The following GALNT17 variants were observed in gnomAD, a reference collection of about 807,000 sequenced individuals.
The protein encoded by GALNT17 is polypeptide N-acetylgalactosaminyltransferase 17.
A neutral mutation model predicts 63.7 loss-of-function variants in GALNT17; 29 were observed. The observed-to-expected ratio is 0.46, with a 90% CI of 0.34 to 0.62. The LOEUF (loss-of-function observed/expected upper bound fraction) is 0.62. Among genes scored for constraint, GALNT17 ranks in the 20% least tolerant of loss-of-function variants. The probability of loss-of-function intolerance (pLI) is 0.01; values close to 1 mark genes in which losing one functional copy is unlikely to be tolerated. For synonymous variants in GALNT17, 305 were observed against 318.3 expected, an observed-to-expected ratio of 0.96 and a Z score of 0.45; for missense variants, 603 against 799.6, an observed-to-expected ratio of 0.75 and a Z score of 2.97.
Position 71,484,317 on chromosome 7 carries a change from G to A in GALNT17, c.962+63212G>A, listed in dbSNP as rs150625372. 2.1e-3 allele frequency among the ~76,000 whole-genome samples: 317 copies of A among 152,116 alleles called. 5 individuals carry two copies. Among genetic ancestry groups the A allele is most frequent in the African/African-American group, 7.3e-3 (302 of 41,524 alleles). Reference sequence around the variant, plus strand: ...AGCCTGGGCAACATGGCGAAACCTCGTCTCTACTAAAAATGCAAAAATTAG... The same window carrying A: ...AGCCTGGGCAACATGGCGAAACCTCATCTCTACTAAAAATGCAAAAATTAG... On this transcript the variant is annotated intron_variant, in intron 5 of 10. Transcript: ENST00000333538.
chr7:71,255,353 C>CACCATGTGTG (rs1790270546), intron 1 of GALNT17, among the ~76,000 whole-genome samples: 1 of 152,174 alleles, frequency 6.6e-6, no homozygotes, highest in Non-Finnish European at 1.5e-5. Context: ...TCTTGTCTGC[C>CACCATGTGTG]ACCATGTGTG....
At chr7:71,695,178 C>G (rs1164172105) in intron 9 of GALNT17, among the ~76,000 whole-genome samples, 1 of 152,168 alleles carries the variant, frequency 6.6e-6, no homozygotes, top group South Asian at 2.1e-4. Flanking sequence ...ATCCTGGTGC[C>G]CCACACCAAG....
intron 1 of GALNT17, among the ~76,000 whole-genome samples, chr7:71,230,914 C>T (rs999670511): frequency 6.6e-6 from 1 of 152,074 alleles, no homozygotes; most frequent in African/African-American, 2.4e-5. Context: ...GTCTTGGGCC[C>T]CACCGCAGAC....
intron 6 of GALNT17, among the ~76,000 whole-genome samples, chr7:71,630,831 A>C (rs1401221673): frequency 6.6e-6 from 1 of 152,242 alleles, no homozygotes; most frequent in Non-Finnish European, 1.5e-5. Flanking sequence ...CCAAGGGAGA[A>C]GTGCCATTTC....
intron 1 of GALNT17, among the ~76,000 whole-genome samples, chr7:71,243,385 T>C (rs1790034764): frequency 6.6e-6 from 1 of 152,166 alleles, no homozygotes; most frequent in African/African-American, 2.4e-5. Flanking sequence ...AGTGCGAAAA[T>C]AGACTAATAC....
intron 1 of GALNT17, among the ~76,000 whole-genome samples, chr7:71,271,993 A>G (rs1790601372): frequency 6.6e-6 from 1 of 152,162 alleles, no homozygotes; most frequent in Non-Finnish European, 1.5e-5. Context: ...TCTTGGGCTC[A>G]AGCAGTCCTC....
intron 5 of GALNT17, among the ~76,000 whole-genome samples, chr7:71,522,888 G>C (rs114454855): frequency 6.6e-6 from 1 of 152,178 alleles, no homozygotes; most frequent in South Asian, 2.1e-4. Context: ...CACAGCAGAA[G>C]CATCCCCTGG....
At chr7:71,665,775 G>T (rs1373436672) in intron 7 of GALNT17, among the ~76,000 whole-genome samples, 179 bp downstream of exon 7, 1 of 152,152 alleles carries the variant, frequency 6.6e-6, no homozygotes, top group African/African-American at 2.4e-5. Context: ...TAACTCCAGG[G>T]CTAGCACAAT....
intron 1 of GALNT17, among the ~76,000 whole-genome samples, chr7:71,273,229 T>C (rs1790624545): frequency 6.6e-6 from 1 of 152,230 alleles, no homozygotes; most frequent in Non-Finnish European, 1.5e-5. Context: ...ATCACTCACC[T>C]CATTTCCCTG....
chr7:71,433,128 A>T (rs1214561164), intron 5 of GALNT17, among the ~76,000 whole-genome samples: 3 of 152,156 alleles, frequency 2.0e-5, no homozygotes, highest in Non-Finnish European at 4.4e-5. Context: ...TTAAAAATAT[A>T]AAGTAAAAAT....
chr7:71,186,036 A>G (rs1788844846), intron 1 of GALNT17, among the ~76,000 whole-genome samples: 1 of 152,212 alleles, frequency 6.6e-6, no homozygotes, highest in Admixed American at 6.5e-5. Context: ...AGATGCATTA[A>G]ATCTTGGTGG....
intron 5 of GALNT17, among the ~76,000 whole-genome samples, chr7:71,481,932 C>T (rs1398701556): frequency 6.6e-6 from 1 of 152,084 alleles, no homozygotes; most frequent in Non-Finnish European, 1.5e-5. Flanking sequence ...CTGCAGCTGC[C>T]AGCATCAGAA....
At chr7:71,205,905 T>G (rs1789262954) in intron 1 of GALNT17, among the ~76,000 whole-genome samples, 1 of 152,030 alleles carries the variant, frequency 6.6e-6, no homozygotes, top group South Asian at 2.1e-4. Context: ...TATGATAGAT[T>G]ATACAGTAAC....
At chr7:71,635,992 A>T (rs918792491) in intron 6 of GALNT17, among the ~76,000 whole-genome samples, 1 of 152,142 alleles carries the variant, frequency 6.6e-6, no homozygotes, top group African/African-American at 2.4e-5. Flanking sequence ...CTCCTGTCTC[A>T]TCCTGTGACT....
chr7:71,315,352 G>A (rs938853419), intron 1 of GALNT17, among the ~76,000 whole-genome samples: 9 of 152,198 alleles, frequency 5.9e-5, no homozygotes, highest in African/African-American at 2.2e-4. Flanking sequence ...ACAGGTTTTT[G>A]TGTGGACATG....
intron 6 of GALNT17, among the ~76,000 whole-genome samples, chr7:71,576,333 C>T (rs6460675): frequency 1 from 152,325 of 152,354 alleles, 76,148 homozygotes; most frequent in Non-Finnish European, 1. Flanking sequence ...TGTGAAAACA[C>T]TTGTGAGAAT....
chr7:71,306,299 A>G (rs886543503), intron 1 of GALNT17, among the ~76,000 whole-genome samples: 6 of 152,156 alleles, frequency 3.9e-5, no homozygotes, highest in Non-Finnish European at 8.8e-5. Flanking sequence ...ATATGTGCAT[A>G]TATCAGTAGC....
At chr7:71,430,341 G>C (rs1224419909) in intron 5 of GALNT17, among the ~76,000 whole-genome samples, 2 of 152,178 alleles carry the variant, frequency 1.3e-5, no homozygotes, top group Non-Finnish European at 2.9e-5. Flanking sequence ...ACCTGGCTTA[G>C]TTCTGCTGCC....
At chr7:71,511,053 A>G (rs922220164) in intron 5 of GALNT17, among the ~76,000 whole-genome samples, 2 of 152,202 alleles carry the variant, frequency 1.3e-5, no homozygotes, top group East Asian at 3.9e-4. Flanking sequence ...ATGGTGGTGC[A>G]CACCTGTAGT....
Sources: allele counts gnomAD v4.1 joint callset (sites outside exome capture counted in the v4.1 genomes callset), GRCh38; gene constraint gnomAD v4.1.1; transcripts MANE v1.5; gene names NCBI Gene and HGNC (gene_info 2026-07-23, HGNC 2026-07-21).